Variants in FBXO24 observed in about 807,000 individuals in gnomAD.
The protein encoded by FBXO24 is F-box only protein 24.
FBXO24 carries 30 observed loss-of-function variants against 63.5 expected under a neutral mutation model. The observed-to-expected ratio is 0.47, with a 90% CI of 0.35 to 0.64. FBXO24 has a LOEUF of 0.64. Ranked by LOEUF, FBXO24 falls within the 30% of genes least tolerant of loss-of-function variation. The pLI, the probability that FBXO24 is intolerant of heterozygous loss-of-function variation, is 0.00. For missense variants in FBXO24, 624 were observed against 763.4 expected (o/e 0.82, Z 2.15); for synonymous variants, 300 against 305.0 (o/e 0.98, Z 0.17).
chr7:100,601,040 G>C lies in FBXO24; in HGVS notation c.*141G>C. ...GGCTAACCAGGGTAAGAATGTTCAG[G>C]GGGCTGCCCAGGAGGGGCCCCCAAC... On this transcript the variant is annotated 3_prime_UTR_variant, in exon 10 of 10. Coordinates refer to ENST00000241071, the MANE Select transcript of FBXO24 (RefSeq NM_033506.3). 1 of 1,294,074 alleles carries C rather than the reference G, an allele frequency of 7.7e-7. No homozygotes were observed. 80.2% of individuals were successfully genotyped at this position (1,294,074 alleles called of 1,614,324 possible).
rs1212788367 is a variant in FBXO24 at position 100,600,002 on chromosome 7, G to C, written c.1207-29G>C. ...GCCCCCCCGTCCCTTGGTGCTCCCT[G>C]CTCAGGGACCCTGGCCGTGTGTCCC... On this transcript the variant is annotated intron_variant, in intron 8 of 9. Transcript: ENST00000241071. This position sits in a 1 kb window ranked among gnomAD's most constrained non-coding sequence, Gnocchi z 6.3. The C allele has an allele frequency of 4.0e-5, 63 of 1,590,394 alleles. No homozygotes were observed. Among genetic ancestry groups the C allele is most frequent in the Non-Finnish European group, 5.3e-5 (62 of 1,168,254 alleles).
At chr7:100,595,052 T>TA (rs1261056378) in intron 6 of FBXO24, 50 bp from the exon 7 acceptor site, 1 of 1,608,958 alleles carries the variant, frequency 6.2e-7, no homozygotes, top group Non-Finnish European at 8.5e-7. Flanking sequence ...GCCTTATCCC[T>TA]AGGAAATGGG....
Position 100,591,809 on chromosome 7 carries a change from C to G in FBXO24, c.465C>G (p.Leu155=). Residue 155 remains leucine, a synonymous_variant, in exon 4 of 10, where the codon CTC becomes CTG. Coordinates refer to ENST00000241071, the MANE Select transcript of FBXO24 (RefSeq NM_033506.3). ...TCATTCTTGACTACGTGGGGACCCTCTTCTTCCTCAAAAATGCCCTGGTCT... is the reference window on the plus strand; with the variant it reads ...TCATTCTTGACTACGTGGGGACCCTGTTCTTCCTCAAAAATGCCCTGGTCT... ...HVFILDYVGT[L]FFLKNALVST... The G allele has an allele frequency of 6.2e-7, 1 of 1,614,262 alleles. No homozygotes were observed. The highest frequency in any genetic ancestry group is 8.5e-7 in the Non-Finnish European group (1 of 1,180,050).
At position 100,591,881 on chromosome 7, in the gene FBXO24, G is replaced by A; in HGVS notation, c.537G>A (p.Val179=). 6.2e-7 allele frequency: 1 copy of A among 1,614,248 alleles called. No homozygotes were observed. Among genetic ancestry groups the A allele is most frequent in the Non-Finnish European group, 8.5e-7 (1 of 1,180,048 alleles). The change falls in exon 4 of 10, where the codon GTG becomes GTA. Residue 179 remains valine (V), a synonymous_variant. Transcript: ENST00000241071. The stretch of plus-strand genomic sequence containing the variant: ...GGAAGCGGGCCTGTCGCTATGTTGT[G>A]TTGTGTCGTGGAGCCAAGGATGTGA... The part of the protein sequence containing the change: ...MQWKRACRYV[V]LCRGAKDFAS...
chr7:100,600,999 G>A lies in FBXO24; in HGVS notation c.*100G>A, dbSNP rs1802583075. On this transcript the variant is annotated 3_prime_UTR_variant, in exon 10 of 10. Transcript: ENST00000241071. The surrounding 1 kb of genome is among the most constrained non-coding windows in gnomAD (Gnocchi z 6.3). ...GTGCACATGCGTGTGGGAAGGGGTTGCTAGGGGGTGGGGACGGCTAACCAG... is the reference window on the plus strand; with the variant it reads ...GTGCACATGCGTGTGGGAAGGGGTTACTAGGGGGTGGGGACGGCTAACCAG... 6.7e-7 allele frequency: 1 copy of A among 1,495,432 alleles called. No homozygotes were observed. Among genetic ancestry groups the A allele is most frequent in the Non-Finnish European group, 8.9e-7 (1 of 1,124,718 alleles). The allele number at this position is 1,495,432 out of a possible 1,614,324, so 92.6% of individuals were successfully genotyped here.
intron 4 of FBXO24, 99 bp downstream of exon 4, chr7:100,592,001 C>A (rs1802054688): frequency 8.4e-7 from 1 of 1,196,302 alleles, no homozygotes; most frequent in Admixed American, 1.9e-5. Flanking sequence ...TGGCTTACAC[C>A]TGTAATCCTA....
chr7:100,598,510 G>A (rs1802417219), intron 8 of FBXO24, among the ~76,000 whole-genome samples: 1 of 152,172 alleles, frequency 6.6e-6, no homozygotes, highest in Non-Finnish European at 1.5e-5. Flanking sequence ...ATCCCAGGGA[G>A]GTGCTGGATA....
Position 100,592,996 on chromosome 7 carries a change from C to T in FBXO24, c.772C>T (p.Arg258Trp), listed in dbSNP as rs971177224. The T allele has an allele frequency of 1.1e-5, 17 of 1,613,930 alleles. No individual in the cohort carries two copies. Among genetic ancestry groups the T allele is most frequent in the Non-Finnish European group, 1.4e-5 (16 of 1,179,884 alleles). ...QIVLVGQETQ[R>W]ALLLLTEEGK... The stretch of plus-strand genomic sequence containing the variant: ...CGTGCTGGTTGGTCAGGAGACCCAG[C>T]GGGCTCTACTGCTCCTCACAGGTGT... Residue 258 changes from arginine to tryptophan, a missense_variant, in exon 5 of 10, where the codon CGG (arginine) becomes TGG (tryptophan). By Grantham distance (101) the Arg-to-Trp change is moderately radical. This residue lies in a region of FBXO24 where 391 missense variants were observed against 469.1 expected (regional missense o/e 0.83). Transcript: ENST00000241071.
In FBXO24 at chr7:100,594,524, G is replaced by T; in HGVS notation, c.935G>T (p.Ser312Ile). ...RVACMTSNQS[S>I]TLYVTDQGGV... ...GCCTGCATGACTTCCAACCAGAGCAGCACCCTCTACGTCACAGGTATGGAC... is the reference window on the plus strand; with the variant it reads ...GCCTGCATGACTTCCAACCAGAGCATCACCCTCTACGTCACAGGTATGGAC... Residue 312 changes from serine (S) to isoleucine (I), a missense_variant, in exon 6 of 10, where the codon AGC (serine) becomes ATC (isoleucine). Around this residue, in one of 3 missense-constraint regions of FBXO24, gnomAD observed 391 missense variants for 469.1 expected, o/e 0.83. Coordinates refer to ENST00000241071, the MANE Select transcript of FBXO24 (RefSeq NM_033506.3). This position sits in a 1 kb window ranked among gnomAD's most constrained non-coding sequence, Gnocchi z 4.2. The T allele has an allele frequency of 1.2e-6, 2 of 1,607,274 alleles. No homozygotes were observed. The highest frequency in any genetic ancestry group is 8.5e-7 in the Non-Finnish European group (1 of 1,176,704).
intron 1 of FBXO24, chr7:100,589,535 G>A (rs1314027651): frequency 1.4e-6 from 2 of 1,401,094 alleles, no homozygotes; most frequent in Admixed American, 3.1e-5. Flanking sequence ...AGGTCACAGT[G>A]GCCAAACAGT....
At chr7:100,593,619 T>C (rs1584426626) in intron 5 of FBXO24, among the ~76,000 whole-genome samples, 6 of 112,108 alleles carry the variant, frequency 5.4e-5, no homozygotes, top group East Asian at 2.5e-4. Context: ...AGAGCGAGAC[T>C]CCGTCTCAAA....
chr7:100,589,477 A>C, intron 1 of FBXO24: 2 of 1,284,024 alleles, frequency 1.6e-6, no homozygotes, highest in Non-Finnish European at 2.0e-6. Flanking sequence ...CTGAGCTAGA[A>C]CCCAGGAGCT....
chr7:100,600,331 C>A lies in FBXO24; in HGVS notation c.1377+130C>A. 7.4e-7 allele frequency: 1 copy of A among 1,359,134 alleles called. No individual in the cohort carries two copies. Among genetic ancestry groups the A allele is most frequent in the Non-Finnish European group, 9.9e-7 (1 of 1,015,028 alleles). The allele number at this position is 1,359,134 out of a possible 1,614,324, so 84.2% of individuals were successfully genotyped here. ...ATTTCCCTAGCACCACCCCACCTCC[C>A]TCCTCTGCCGCACACCACGCTCTCT... On this transcript the variant is annotated intron_variant, in intron 9 of 9. Coordinates refer to ENST00000241071, the MANE Select transcript of FBXO24 (RefSeq NM_033506.3). The surrounding 1 kb of genome is among the most constrained non-coding windows in gnomAD (Gnocchi z 6.3).
chr7:100,591,994 C>A, intron 4 of FBXO24, 92 bp downstream of exon 4: 1 of 1,262,030 alleles, frequency 7.9e-7, no homozygotes, highest in Non-Finnish European at 1.1e-6. Context: ...GGTGCAGTGG[C>A]TTACACCTGT....
Position 100,590,236 on chromosome 7 carries a change from C to G in FBXO24, c.201C>G (p.Arg67=). Reference sequence around the variant, plus strand: ...TTGTTGCCCTCGGCCAGACCTGCCGCTACTTCCACGAAGTGTGCGATGGGG... The same window carrying G: ...TTGTTGCCCTCGGCCAGACCTGCCGGTACTTCCACGAAGTGTGCGATGGGG... ...RDLVALGQTC[R]YFHEVCDGEG... Residue 67 remains arginine, a synonymous_variant, in exon 3 of 10, where the codon CGC becomes CGG. Coordinates refer to ENST00000241071, the MANE Select transcript of FBXO24 (RefSeq NM_033506.3). The G allele has an allele frequency of 6.2e-7, 1 of 1,614,206 alleles. No homozygotes were observed. Among genetic ancestry groups the G allele is most frequent in the Non-Finnish European group, 8.5e-7 (1 of 1,180,022 alleles).
intron 1 of FBXO24, 64 bp downstream of exon 1, chr7:100,586,728 C>T: frequency 6.3e-7 from 1 of 1,579,774 alleles, no homozygotes; most frequent in Non-Finnish European, 8.7e-7. Flanking sequence ...GCCGGGAACG[C>T]AGTTCGCCGC....
At chr7:100,595,492 A>G in intron 7 of FBXO24, 83 bp from the exon 8 acceptor site, 1 of 1,453,024 alleles carries the variant, frequency 6.9e-7, no homozygotes, top group Non-Finnish European at 9.3e-7. Flanking sequence ...TGGGGATGGC[A>G]GGTTAGTGGC....
intron 8 of FBXO24, among the ~76,000 whole-genome samples, chr7:100,596,576 G>A (rs1802318400): frequency 6.6e-6 from 1 of 152,114 alleles, no homozygotes; most frequent in Admixed American, 6.5e-5. Context: ...CAGGAGCCTT[G>A]TGCAGAGGAG....
intron 8 of FBXO24, among the ~76,000 whole-genome samples, chr7:100,596,622 G>C (rs1802320453): frequency 6.6e-6 from 1 of 152,164 alleles, no homozygotes; most frequent in African/African-American, 2.4e-5. Context: ...GCTGTTGAGT[G>C]ATGACAGCAC....
Sources: gnomAD v4.1 joint callset for allele counts (sites outside exome capture counted in the v4.1 genomes callset) on GRCh38, gnomAD v4.1.1 for gene constraint, gnomAD v4.1.1 regional missense constraint, Gnocchi (gnomAD v3.1) non-coding constraint, MANE v1.5 for transcripts, NCBI Gene and HGNC (gene_info 2026-07-23, HGNC 2026-07-21) for gene names.